The following JAML variants were observed in gnomAD, a reference collection of about 807,000 sequenced individuals.
JAML encodes junctional adhesion molecule-like.
In JAML, 25 loss-of-function variants were observed where a neutral mutation model predicts 39.3. The ratio of observed to expected loss-of-function variants is 0.64; its 90% CI spans 0.46 to 0.89. The LOEUF (loss-of-function observed/expected upper bound fraction) is 0.89, where lower values mean the gene tolerates loss of function less well. Among genes scored for constraint, JAML ranks in the 40% least tolerant of loss-of-function variants. The pLI is 0.00. For synonymous variants in JAML, 162 were observed against 179.2 expected (o/e 0.90, Z 0.77); for missense variants, 440 against 486.9 (o/e 0.90, Z 0.91).
chr11:118,217,464 T>G (rs944737337), intron 1 of JAML, among the ~76,000 whole-genome samples: 2 of 152,182 alleles, frequency 1.3e-5, no homozygotes, highest in Non-Finnish European at 2.9e-5. Context: ...CCTCTAGAAC[T>G]CCGTGAAGAC....
intron 7 of JAML, among the ~76,000 whole-genome samples, chr11:118,199,700 T>A (rs949938615): frequency 1.1e-3 from 154 of 143,516 alleles, no homozygotes; most frequent in African/African-American, 2.6e-3. Context: ...ATTATTTTTT[T>A]TTTTTTTTTT....
In JAML at chr11:118,194,429, G is replaced by A. The variant is rs1948612952; in HGVS notation, c.1093-12C>T. ...GGCCAAACTGGGTGCTGTGGGGGAAGGGCAGAAAGAAACAAAACATGCTTG... is the reference window on the plus strand; with the variant it reads ...GGCCAAACTGGGTGCTGTGGGGGAAAGGCAGAAAGAAACAAAACATGCTTG... On this transcript the variant is annotated splice_polypyrimidine_tract_variant and intron_variant, in intron 9 of 9. Coordinates refer to ENST00000356289, the MANE Select transcript of JAML (RefSeq NM_001098526.2). The A allele has an allele frequency of 2.5e-6, 4 of 1,610,448 alleles. No individual in the cohort carries two copies. Among genetic ancestry groups the A allele is most frequent in the Non-Finnish European group, 3.4e-6 (4 of 1,176,750 alleles).
In JAML at chr11:118,200,586, G is replaced by A. The variant is rs369156150; in HGVS notation, c.799C>T (p.Pro267Ser). Reference sequence around the variant, plus strand: ...AACTGATTACCACCCAAGACCAGAGGCCTCAGGGCTGCCGGGGTCACCAGT... The same window carrying A: ...AACTGATTACCACCCAAGACCAGAGACCTCAGGGCTGCCGGGGTCACCAGT... The part of the protein sequence containing the change: ...RTLVTPAALR[P>S]LVLGGNQLVI... Residue 267 changes from proline to serine, a missense_variant, in exon 7 of 10, where the codon CCT (proline) becomes TCT (serine). Pro to Ser is a moderately conservative substitution (Grantham distance 74). Transcript: ENST00000356289. The A allele has an allele frequency of 1.1e-5, 18 of 1,614,036 alleles. No individual in the cohort carries two copies. Among genetic ancestry groups the A allele is most frequent in the East Asian group, 8.9e-5 (4 of 44,896 alleles).
intron 4 of JAML, among the ~76,000 whole-genome samples, chr11:118,209,729 A>G (rs955384215): frequency 1.3e-5 from 2 of 151,672 alleles, no homozygotes; most frequent in African/African-American, 2.4e-5. Flanking sequence ...TTTTTTAGAC[A>G]TAGGGTCTCA....
intron 7 of JAML, among the ~76,000 whole-genome samples, chr11:118,199,476 C>G (rs1366120737): frequency 6.6e-6 from 1 of 152,052 alleles, no homozygotes; most frequent in Non-Finnish European, 1.5e-5. Flanking sequence ...AAAGTCAGGA[C>G]TATTCATGAG....
Position 118,194,315 on chromosome 11 carries a change from T to C in JAML, c.*10A>G. On this transcript the variant is annotated 3_prime_UTR_variant, in exon 10 of 10. Transcript: ENST00000356289. ...CACCGCTGCTGAGATGAAGGGACTC[T>C]CCATTCTTCTCAAAAGGCTTGCTGT... is the stretch of plus-strand genomic sequence containing the variant. 3.7e-6 allele frequency: 6 copies of C among 1,611,198 alleles called. No homozygotes were observed. The highest frequency in any genetic ancestry group is 5.1e-6 in the Non-Finnish European group (6 of 1,177,334).
chr11:118,224,473 T>A (rs540513065), intron 1 of JAML, among the ~76,000 whole-genome samples: 1 of 152,236 alleles, frequency 6.6e-6, no homozygotes, highest in Non-Finnish European at 1.5e-5. Flanking sequence ...TGCTTCACCA[T>A]AGTAAACTTT....
chr11:118,196,474 C>T (rs1017575695), intron 9 of JAML, among the ~76,000 whole-genome samples: 1 of 152,174 alleles, frequency 6.6e-6, no homozygotes, highest in African/African-American at 2.4e-5. Flanking sequence ...GACGTCCTCC[C>T]TGCCCTCAGT....
At chr11:118,213,074 G>A in intron 2 of JAML, 1 of 1,551,690 alleles carries the variant, frequency 6.4e-7, no homozygotes, top group Non-Finnish European at 8.7e-7. Context: ...TTGTAATTAG[G>A]CCACCACAGA....
intron 1 of JAML, among the ~76,000 whole-genome samples, chr11:118,218,801 C>G (rs999332399): frequency 2.7e-5 from 4 of 147,628 alleles, no homozygotes; most frequent in African/African-American, 1.1e-4. Context: ...AAATGAATTT[C>G]AGTTTTAAAA....
At chr11:118,212,652 T>C (rs568762398) in intron 2 of JAML, 91 bp from the exon 3 acceptor site, 1 of 1,532,790 alleles carries the variant, frequency 6.5e-7, no homozygotes, top group Non-Finnish European at 8.8e-7. Context: ...TAAACACCCC[T>C]CTCCCTGGAT....
At chr11:118,202,972 T>G (rs756363262) in intron 6 of JAML, 1 of 457,162 alleles carries the variant, frequency 2.2e-6, no homozygotes, top group Non-Finnish European at 4.4e-6. Flanking sequence ...CCTCCATTTT[T>G]GGTTCTGGTG....
intron 6 of JAML, chr11:118,202,773 A>C (rs571574651): frequency 5.2e-5 from 19 of 367,060 alleles, no homozygotes; most frequent in African/African-American, 4.1e-4. Context: ...ACCACAGCCA[A>C]CTCCTGAAGG....
chr11:118,212,756 G>T, intron 2 of JAML, 195 bp from the exon 3 acceptor site: 1 of 1,558,692 alleles, frequency 6.4e-7, no homozygotes, highest in Non-Finnish European at 8.7e-7. Flanking sequence ...GAAGGATTCT[G>T]CAATCTTCAT....
At position 118,193,966 on chromosome 11, in the gene JAML, G is replaced by T. The variant is rs1361112374; in HGVS notation, c.*359C>A. ...TTTAGAAATAATGTGCCAGAGGAAT[G>T]ATTTGGGTTGGTTTTTATCTCTGAT... On this transcript the variant is annotated 3_prime_UTR_variant, in exon 10 of 10. Coordinates refer to ENST00000356289, the MANE Select transcript of JAML (RefSeq NM_001098526.2). 4.8e-6 allele frequency: 1 copy of T among 209,278 alleles called. No homozygotes were observed. The highest frequency in any genetic ancestry group is 1.0e-4 in the East Asian group (1 of 9,702). The allele number at this position is 209,278 out of a possible 1,614,324, so 13.0% of individuals were successfully genotyped here. A position where few individuals can be genotyped will look rare whatever the true frequency, so the allele number is the denominator to read the frequency against.
At chr11:118,209,676 A>T (rs1422405381) in intron 4 of JAML, among the ~76,000 whole-genome samples, 1 of 150,954 alleles carries the variant, frequency 6.6e-6, no homozygotes, top group African/African-American at 2.4e-5. Flanking sequence ...GTCATGTGCC[A>T]TCATGCCCAG....
rs564846659 is a variant in JAML, at chr11:118,205,927, T to C, written c.489A>G (p.Lys163=). 2 of 1,614,122 alleles carry C rather than the reference T, an allele frequency of 1.2e-6. No individual in the cohort carries two copies. The highest frequency in any genetic ancestry group is 3.3e-5 in the Admixed American group (2 of 60,016). ...ATATCCATTCTACCTTGGTCACGTG[T>C]TTCACTTCTGTGCTCTGGAAAACAC... ...MGCVFQSTEV[K]HVTKVEWIFS... is the part of the protein sequence containing the mutation. The change falls in exon 5 of 10, where the codon AAA becomes AAG. Residue 163 remains lysine (K), a synonymous_variant. Transcript: ENST00000356289.
chr11:118,198,034 T>C lies in JAML; in HGVS notation c.969A>G (p.Lys323=). The C allele has an allele frequency of 6.2e-7, 1 of 1,614,236 alleles. No homozygotes were observed. Among genetic ancestry groups the C allele is most frequent in the Non-Finnish European group, 8.5e-7 (1 of 1,180,014 alleles). The change falls in exon 8 of 10, where the codon AAA becomes AAG. Residue 323 remains lysine, a synonymous_variant. Transcript: ENST00000356289. ...ATCTTTCAAAATGGCAGGGTTTTTC[T>C]TTTATCTCTGGATTAGTCTTCTTCG... ...KNTKKTNPEI[K]EKPCHFERCE... is the part of the protein sequence containing the mutation.
chr11:118,202,150 C>A (rs749745489), intron 6 of JAML: 1 of 152,194 alleles, frequency 6.6e-6, no homozygotes, highest in Non-Finnish European at 1.5e-5. Flanking sequence ...CAGTAAGATA[C>A]CAAACACAGA....
Sources: allele counts gnomAD v4.1 joint callset (sites outside exome capture counted in the v4.1 genomes callset), GRCh38; gene constraint gnomAD v4.1.1; transcripts MANE v1.5; gene names NCBI Gene and HGNC (gene_info 2026-07-23, HGNC 2026-07-21).